The following SORCS1 variants were observed in gnomAD, a reference collection of about 807,000 sequenced individuals.
SORCS1 encodes VPS10 domain-containing receptor SorCS1.
SORCS1 carries 60 observed loss-of-function variants against 146.1 expected under a neutral mutation model. The ratio of observed to expected loss-of-function variants is 0.41; its 90% CI spans 0.33 to 0.51. The LOEUF (loss-of-function observed/expected upper bound fraction) is 0.51, where lower values mean the gene tolerates loss of function less well. Ranked by LOEUF, SORCS1 falls within the 20% of genes least tolerant of loss-of-function variation. The probability of loss-of-function intolerance (pLI) is 0.21; values close to 1 mark genes in which losing one functional copy is unlikely to be tolerated. For synonymous variants in SORCS1, 637 were observed against 584.0 expected, an observed-to-expected ratio of 1.09 and a Z score of -1.31; for missense variants, 1,352 against 1,487.6, an observed-to-expected ratio of 0.91 and a Z score of 1.50.
chr10:106,728,697 G>A (rs1418384236), intron 6 of SORCS1, among the ~76,000 whole-genome samples: 3 of 152,234 alleles, frequency 2.0e-5, no homozygotes, highest in African/African-American at 4.8e-5. Flanking sequence ...AGCTGGTAAA[G>A]TGCAGGACCT....
intron 2 of SORCS1, among the ~76,000 whole-genome samples, chr10:106,955,943 G>A (rs930573275): frequency 6.6e-6 from 1 of 151,290 alleles, no homozygotes; most frequent in Non-Finnish European, 1.5e-5. Context: ...GCCTGACCAA[G>A]ATGGAGAAAC....
chr10:106,600,252 C>T lies in SORCS1; in HGVS notation c.3166-2802G>A, dbSNP rs113577864. On this transcript the variant is annotated intron_variant, in intron 23 of 25. Coordinates refer to ENST00000263054, the MANE Select transcript of SORCS1 (RefSeq NM_052918.5). ...AACTACTTGGTTTTGTTTTGGTTTA[C>T]AACATTGTTTCATTGGCTCTATCTG... The T allele has an allele frequency of 6.3e-4, 552 of 875,190 alleles. 4 individuals carry two copies. The African/African-American group carries it at 9.4e-3, about 15-fold the overall frequency. 54.2% of individuals were successfully genotyped at this position (875,190 alleles called of 1,614,324 possible). A position where few individuals can be genotyped will look rare whatever the true frequency, so the allele number is the denominator to read the frequency against.
At chr10:106,596,660 A>G (rs147571637) in intron 24 of SORCS1, among the ~76,000 whole-genome samples, 3 of 152,296 alleles carry the variant, frequency 2.0e-5, no homozygotes, top group Admixed American at 6.5e-5. Context: ...AGTTCCTGCT[A>G]TCTCTACTGC....
At chr10:107,124,207 G>A (rs918975027) in intron 1 of SORCS1, among the ~76,000 whole-genome samples, 2 of 152,176 alleles carry the variant, frequency 1.3e-5, no homozygotes, top group South Asian at 4.1e-4. Flanking sequence ...TTACAGGTAT[G>A]TGTTGTTATT....
At chr10:107,163,798 T>C (rs999992251) in intron 1 of SORCS1, among the ~76,000 whole-genome samples, 171 bp downstream of exon 1, 2 of 152,002 alleles carry the variant, frequency 1.3e-5, no homozygotes. Context: ...GATGGGGAGG[T>C]TGGTCTCCTA....
intron 2 of SORCS1, among the ~76,000 whole-genome samples, chr10:106,831,135 G>A (rs147752672): frequency 2.8e-4 from 42 of 152,240 alleles, no homozygotes; most frequent in Non-Finnish European, 5.4e-4. Context: ...GGAGGTTGCA[G>A]TGAGCCAAGA....
chr10:106,715,893 C>A (rs920121856), intron 6 of SORCS1, among the ~76,000 whole-genome samples: 9 of 152,142 alleles, frequency 5.9e-5, no homozygotes, highest in Non-Finnish European at 1.2e-4. Context: ...GCTGGGACCA[C>A]AGGCGCATGC....
intron 6 of SORCS1, among the ~76,000 whole-genome samples, chr10:106,728,309 T>C (rs111344371): frequency 0.046 from 2,076 of 44,950 alleles, 49 homozygotes; most frequent in African/African-American, 0.074. Flanking sequence ...ATTAAGAAAA[T>C]ATTGATCTGT....
chr10:107,032,884 G>T (rs2133941215), intron 1 of SORCS1, among the ~76,000 whole-genome samples: 1 of 152,226 alleles, frequency 6.6e-6, no homozygotes, highest in East Asian at 1.9e-4. Flanking sequence ...AACAAGAATT[G>T]ACTACTGCAA....
intron 1 of SORCS1, among the ~76,000 whole-genome samples, chr10:107,033,496 TGAGCA>T (rs2133944751): frequency 6.6e-6 from 1 of 152,362 alleles, no homozygotes; most frequent in East Asian, 1.9e-4. Context: ...TAGCATAGGC[TGAGCA>T]AAGTGTCTGA....
chr10:106,744,205 C>T lies in SORCS1; in HGVS notation c.960-14091G>A, dbSNP rs181500505. On this transcript the variant is annotated intron_variant, in intron 5 of 25. Transcript: ENST00000263054. The stretch of plus-strand genomic sequence containing the variant: ...CTGCAAGCTCCACCTCCTGGGTTCA[C>T]GCCATTCTCCTGCCTCAGTCTCCCA... Among the ~76,000 whole-genome samples the T allele has an allele frequency of 2.3e-3, 346 of 152,172 alleles. 5 individuals are homozygous for T. The East Asian group carries it at 0.031, about 14-fold the overall frequency.
intron 1 of SORCS1, among the ~76,000 whole-genome samples, chr10:107,095,066 G>A (rs576646686): frequency 6.6e-6 from 1 of 152,318 alleles, no homozygotes; most frequent in Non-Finnish European, 1.5e-5. Flanking sequence ...GGACACAGAT[G>A]TTACCTAAGA....
intron 2 of SORCS1, among the ~76,000 whole-genome samples, chr10:106,886,524 G>GGCT (rs2137808795): frequency 6.6e-6 from 1 of 152,236 alleles, no homozygotes; most frequent in African/African-American, 2.4e-5. Context: ...TTATAGAGGA[G>GGCT]GCTGTCTTTT....
chr10:106,848,936 G>A (rs1395328409), intron 2 of SORCS1, among the ~76,000 whole-genome samples: 1 of 149,970 alleles, frequency 6.7e-6, no homozygotes, highest in African/African-American at 2.4e-5. Flanking sequence ...TGGCTTGTAG[G>A]GTTTCTGCCG....
intron 6 of SORCS1, among the ~76,000 whole-genome samples, chr10:106,725,689 G>GA (rs1491206118): frequency 6.6e-6 from 1 of 151,562 alleles, no homozygotes. Context: ...CCAGTACTTT[G>GA]AGAGGCAGAG....
Position 107,050,782 on chromosome 10 carries a change from T to C in SORCS1, c.559-94202A>G, listed in dbSNP as rs140704654. On this transcript the variant is annotated intron_variant, in intron 1 of 25. Coordinates refer to ENST00000263054, the MANE Select transcript of SORCS1 (RefSeq NM_052918.5). Reference sequence around the variant, plus strand: ...TCAACCAGGCCTTCTTAAGTATATATATGGTTTTGCAGGCTAGAGAGTGAA... The same window carrying C: ...TCAACCAGGCCTTCTTAAGTATATACATGGTTTTGCAGGCTAGAGAGTGAA... 1.4e-4 allele frequency among the ~76,000 whole-genome samples: 22 copies of C among 152,202 alleles called. No individual in the cohort carries two copies. The East Asian group carries it at 4.3e-3, about 29-fold the overall frequency.
At chr10:106,781,904 A>G (rs527921497) in intron 3 of SORCS1, among the ~76,000 whole-genome samples, 1 of 152,308 alleles carries the variant, frequency 6.6e-6, no homozygotes, top group African/African-American at 2.4e-5. Context: ...GATTAAAAAG[A>G]AAAAAGCTCA....
chr10:106,841,942 C>T (rs1949063155), intron 2 of SORCS1, among the ~76,000 whole-genome samples: 1 of 152,174 alleles, frequency 6.6e-6, no homozygotes, highest in Non-Finnish European at 1.5e-5. Flanking sequence ...GGGTAAATAT[C>T]AAGGTATGTG....
chr10:107,047,798 T>C (rs1959650674), intron 1 of SORCS1, among the ~76,000 whole-genome samples: 2 of 152,136 alleles, frequency 1.3e-5, no homozygotes, highest in Non-Finnish European at 2.9e-5. Context: ...TTTAGGAAGC[T>C]TGCCGGGTGC....
Sources: allele counts gnomAD v4.1 joint callset (sites outside exome capture counted in the v4.1 genomes callset), GRCh38; gene constraint gnomAD v4.1.1; transcripts MANE v1.5; gene names NCBI Gene and HGNC (gene_info 2026-07-23, HGNC 2026-07-21).